Variants in ABHD12 observed in about 807,000 individuals in gnomAD.
ABHD12 encodes the protein lysophosphatidylserine lipase ABHD12.
Under a neutral mutation model 58.3 loss-of-function variants are expected in ABHD12, and 43 were observed. The observed-to-expected ratio is 0.74, with a 90% CI of 0.58 to 0.95. The LOEUF is 0.95. Among genes scored for constraint, ABHD12 ranks in the 40% least tolerant of loss-of-function variants. The pLI is 0.00. For missense variants in ABHD12, 539 were observed against 537.2 expected, an observed-to-expected ratio of 1.00 and a Z score of -0.03; for synonymous variants, 219 against 211.2, an observed-to-expected ratio of 1.04 and a Z score of -0.32.
chr20:25,379,013 C>G (rs1465361414), intron 1 of ABHD12, among the ~76,000 whole-genome samples: 1 of 152,192 alleles, frequency 6.6e-6, no homozygotes, highest in Non-Finnish European at 1.5e-5. Flanking sequence ...ATCTGTGTAC[C>G]AGCAAGCCCT....
At chr20:25,304,803 G>A (rs187198304) in intron 10 of ABHD12, among the ~76,000 whole-genome samples, 4 of 152,102 alleles carry the variant, frequency 2.6e-5, no homozygotes, top group African/African-American at 2.4e-5. Flanking sequence ...TCCTGACCTC[G>A]TGATCTGCCT....
In ABHD12 at chr20:25,309,586, G is replaced by A. The variant is rs761077267; in HGVS notation, c.620-11C>T. The A allele has an allele frequency of 1.4e-5, 23 of 1,613,968 alleles. No homozygotes were observed. In the East Asian group the frequency reaches 2.7e-4, roughly 19 times the overall value. ...CTGAGTCACCCCAACCTGGGAGGGA[G>A]AAACGGCAGGACGGGGAGGTCAAAG... On this transcript the variant is annotated splice_polypyrimidine_tract_variant and intron_variant, in intron 6 of 12. Coordinates refer to ENST00000339157, the MANE Select transcript of ABHD12 (RefSeq NM_001042472.3).
chr20:25,308,412 C>T (rs1288648911), intron 8 of ABHD12, 45 bp downstream of exon 8: 2 of 1,601,136 alleles, frequency 1.2e-6, no homozygotes, highest in Admixed American at 1.7e-5. Flanking sequence ...CTGGGGAGCA[C>T]CCTGAATGCT....
At chr20:25,350,343 C>G (rs2089581653) in intron 1 of ABHD12, among the ~76,000 whole-genome samples, 2 of 152,160 alleles carry the variant, frequency 1.3e-5, no homozygotes, top group Admixed American at 1.3e-4. Flanking sequence ...CCACCTAAAT[C>G]TCATCTTGAA....
intron 3 of ABHD12, 33 bp downstream of exon 3, chr20:25,323,292 G>T: frequency 7.1e-7 from 1 of 1,408,084 alleles, no homozygotes; most frequent in Non-Finnish European, 1.0e-6. Flanking sequence ...CTTTCCTGCT[G>T]CTGGAGGGGC....
rs371030018 is a variant in ABHD12, at chr20:25,380,879, T to C, written c.191+9634A>G. On this transcript the variant is annotated intron_variant, in intron 1 of 12. Transcript: ENST00000339157. ...GATGTTTAACAGGCACCTCAATATG[T>C]CCAAAACCAAACATTACTTCTCCTG... 3.3e-5 allele frequency among the ~76,000 whole-genome samples: 5 copies of C among 152,270 alleles called. No homozygotes were observed. The South Asian group carries it at 8.3e-4, about 25-fold the overall frequency.
chr20:25,307,671 C>G (rs1475539154), intron 9 of ABHD12, among the ~76,000 whole-genome samples: 1 of 152,248 alleles, frequency 6.6e-6, no homozygotes, highest in Non-Finnish European at 1.5e-5. Context: ...CACTCCTGAA[C>G]AGGAAGGCAG....
intron 1 of ABHD12, among the ~76,000 whole-genome samples, chr20:25,362,079 A>G (rs1490491861): frequency 6.6e-6 from 1 of 151,470 alleles, no homozygotes; most frequent in Non-Finnish European, 1.5e-5. Context: ...TTTTGAGACT[A>G]GCCTGGCCAA....
At position 25,302,266 on chromosome 20, in the gene ABHD12, G is replaced by A. The variant is rs749432855; in HGVS notation, c.1110C>T (p.Tyr370=). Residue 370 remains tyrosine, a synonymous_variant, in exon 12 of 13, where the codon TAC becomes TAT. Coordinates refer to ENST00000339157, the MANE Select transcript of ABHD12 (RefSeq NM_001042472.3). ...GGCTCTTGTAAATGTATTTGTGCCT[G>A]TAGCCAAGGTCTGAATGAAAGGGCA... ...QFVPFHSDLG[Y]RHKYIYKSPE... is the part of the protein sequence containing the mutation. The A allele has an allele frequency of 2.5e-6, 4 of 1,613,836 alleles. No homozygotes were observed. The East Asian group carries it at 8.9e-5, about 36-fold the overall frequency.
chr20:25,301,985 A>G (rs1424276056), intron 12 of ABHD12, among the ~76,000 whole-genome samples: 1 of 152,180 alleles, frequency 6.6e-6, no homozygotes, highest in Non-Finnish European at 1.5e-5. Flanking sequence ...GGGTCTGTAC[A>G]TCCTTTACAA....
In ABHD12 at chr20:25,301,517, C is replaced by T. The variant is rs73612666; in HGVS notation, c.1158-633G>A. Among the ~76,000 whole-genome samples the T allele has an allele frequency of 6.0e-4, 91 of 152,378 alleles. 1 individual carries two copies. The East Asian group carries it at 0.017, about 29-fold the overall frequency. ...GAAGTACCACATGCCCTCCTCGGCT[C>T]AGAAGCCTTGTCCCATGCACAGGGA... On this transcript the variant is annotated intron_variant, in intron 12 of 12. Transcript: ENST00000339157.
At chr20:25,369,595 C>T (rs1245516231) in intron 1 of ABHD12, among the ~76,000 whole-genome samples, 6 of 152,162 alleles carry the variant, frequency 3.9e-5, no homozygotes, top group African/African-American at 4.8e-5. Context: ...CGAAGTGACA[C>T]GTCACTTCCA....
chr20:25,390,473 ACCGG>A lies in ABHD12; in HGVS notation c.191+36_191+39del. The A allele has an allele frequency of 4.7e-6, 4 of 843,598 alleles. No individual in the cohort carries two copies. In the South Asian group the frequency reaches 6.2e-5, roughly 13 times the overall value. The allele number at this position is 843,598 out of a possible 1,614,324, so 52.3% of individuals were successfully genotyped here. A position where few individuals can be genotyped will look rare whatever the true frequency, so the allele number is the denominator to read the frequency against. ...GGGACGCACCTGCGCAAAGTGAGGGACCGGCCCCCCCCCCCCCCCCGCTCCGCGC... is the reference window on the plus strand; with the variant it reads ...GGGACGCACCTGCGCAAAGTGAGGGACCCCCCCCCCCCCCCCGCTCCGCGC... On this transcript the variant is annotated intron_variant, in intron 1 of 12. Coordinates refer to ENST00000339157, the MANE Select transcript of ABHD12 (RefSeq NM_001042472.3).
intron 2 of ABHD12, among the ~76,000 whole-genome samples, chr20:25,327,768 T>G (rs1357092916): frequency 6.6e-6 from 1 of 152,210 alleles, no homozygotes; most frequent in Non-Finnish European, 1.5e-5. Flanking sequence ...AGCTGGAGGC[T>G]ACAAGATTCT....
intron 1 of ABHD12, among the ~76,000 whole-genome samples, chr20:25,371,056 G>A (rs1048511968): frequency 1.2e-4 from 18 of 152,156 alleles, no homozygotes; most frequent in Middle Eastern, 3.4e-3. Context: ...TCATGAGCAA[G>A]CTGCAACTTA....
chr20:25,385,603 T>G (rs1308738013), intron 1 of ABHD12, among the ~76,000 whole-genome samples: 1 of 151,876 alleles, frequency 6.6e-6, no homozygotes, highest in African/African-American at 2.4e-5. Flanking sequence ...CCCAATACTT[T>G]GGGGGACAGA....
At chr20:25,385,031 T>C (rs1054333569) in intron 1 of ABHD12, among the ~76,000 whole-genome samples, 13 of 152,166 alleles carry the variant, frequency 8.5e-5, no homozygotes, top group South Asian at 6.2e-4. Flanking sequence ...TATTACTGAC[T>C]AGCCTAAATC....
At chr20:25,320,465 G>A in intron 3 of ABHD12, 147 bp from the exon 4 acceptor site, 2 of 1,067,944 alleles carry the variant, frequency 1.9e-6, no homozygotes, top group South Asian at 1.4e-5. Context: ...AGATGGGGGT[G>A]GGTGGTAGAA....
At chr20:25,383,643 A>C (rs577791253) in intron 1 of ABHD12, among the ~76,000 whole-genome samples, 7 of 151,898 alleles carry the variant, frequency 4.6e-5, no homozygotes, top group Non-Finnish European at 7.4e-5. Context: ...ATATGGTGAA[A>C]CCCCGTCTCT....
Sources: allele counts gnomAD v4.1 joint callset (sites outside exome capture counted in the v4.1 genomes callset), GRCh38; gene constraint gnomAD v4.1.1; transcripts MANE v1.5; gene names NCBI Gene and HGNC (gene_info 2026-07-23, HGNC 2026-07-21).